IMMP2L: variants seen among roughly 807,000 people sequenced by gnomAD.
IMMP2L encodes the protein inner mitochondrial membrane peptidase subunit 2.
IMMP2L carries 18 observed loss-of-function variants against 19.3 expected under a neutral mutation model. That is an observed-to-expected ratio of 0.93 (90% CI 0.64 to 1.38). The LOEUF is 1.38. Ranked by LOEUF, IMMP2L falls within the 40% of genes most tolerant of loss-of-function variation. The pLI, the probability that IMMP2L is intolerant of heterozygous loss-of-function variation, is 0.00. For missense variants in IMMP2L, 233 were observed against 218.2 expected (o/e 1.07, Z -0.43); for synonymous variants, 76 against 73.0 (o/e 1.04, Z -0.21).
chr7:110,951,353 T>A lies in IMMP2L; in HGVS notation c.305+12147A>T, dbSNP rs137976910. On this transcript the variant is annotated intron_variant, in intron 4 of 5. Transcript: ENST00000405709. ...CTTCCAACTTTACAATTTACAAAAT[T>A]TAGAGCTATTCATTAACCTGGGAGA... 4.3e-3 allele frequency among the ~76,000 whole-genome samples: 647 copies of A among 152,202 alleles called. 4 individuals are homozygous for A. Among genetic ancestry groups the A allele is most frequent in the African/African-American group, 0.015 (624 of 41,536 alleles).
intron 5 of IMMP2L, among the ~76,000 whole-genome samples, chr7:110,743,933 G>C (rs1258198311): frequency 6.6e-6 from 1 of 152,162 alleles, no homozygotes; most frequent in Non-Finnish European, 1.5e-5. Context: ...CCTGCAAAGG[G>C]GGCTGAAGCC....
Position 110,728,241 on chromosome 7 carries a change from G to GATT in IMMP2L, c.409-64521_409-64520insAAT, listed in dbSNP as rs575102030. 1.1e-4 allele frequency among the ~76,000 whole-genome samples: 17 copies of GATT among 152,258 alleles called. No homozygotes were observed. The South Asian group carries it at 3.3e-3, about 30-fold the overall frequency. ...CGACTGGGAGTGGTGGTTCACGCCTGTAATCCCAGCAGGTTGGGAAGCCAA... is the reference window on the plus strand; with the variant it reads ...CGACTGGGAGTGGTGGTTCACGCCTGATTTAATCCCAGCAGGTTGGGAAGCCAA... On this transcript the variant is annotated intron_variant, in intron 5 of 5. Coordinates refer to ENST00000405709, the MANE Select transcript of IMMP2L (RefSeq NM_032549.4). This position sits in a 1 kb window ranked among gnomAD's most constrained non-coding sequence, Gnocchi z 4.6.
At chr7:111,170,749 T>C (rs1401684830) in intron 3 of IMMP2L, among the ~76,000 whole-genome samples, 5 of 151,822 alleles carry the variant, frequency 3.3e-5, no homozygotes, top group Non-Finnish European at 5.9e-5. Context: ...AGATTCTTTT[T>C]TAAATTTTTT....
chr7:111,387,708 T>G (rs1262686903), intron 3 of IMMP2L, among the ~76,000 whole-genome samples: 1 of 152,046 alleles, frequency 6.6e-6, no homozygotes, highest in African/African-American at 2.4e-5. Context: ...CCAGGCGCAG[T>G]GGCTCACACC....
intron 2 of IMMP2L, among the ~76,000 whole-genome samples, chr7:111,510,021 G>A (rs1414849406): frequency 2.6e-5 from 4 of 152,070 alleles, no homozygotes; most frequent in Non-Finnish European, 5.9e-5. Context: ...TTAATAATTA[G>A]AGGGCAGTAC....
intron 1 of IMMP2L, among the ~76,000 whole-genome samples, chr7:111,551,643 G>T (rs1210984474): frequency 6.6e-6 from 1 of 151,762 alleles, no homozygotes; most frequent in East Asian, 1.9e-4. Context: ...GCAAATCAGG[G>T]ACCTATAAGA....
chr7:110,713,335 AG>A (rs1303238974), intron 5 of IMMP2L, among the ~76,000 whole-genome samples: 2 of 152,172 alleles, frequency 1.3e-5, no homozygotes, highest in South Asian at 2.1e-4. Context: ...GTTTGAAGTC[AG>A]GTAATGTGAT....
intron 3 of IMMP2L, among the ~76,000 whole-genome samples, chr7:111,087,231 C>T (rs1586174395): frequency 6.6e-6 from 1 of 151,998 alleles, no homozygotes. Context: ...GGGCTGATCA[C>T]GAGGTCAGGA....
intron 2 of IMMP2L, among the ~76,000 whole-genome samples, chr7:111,497,323 T>G (rs1039294697): frequency 3.9e-5 from 6 of 152,168 alleles, no homozygotes; most frequent in Non-Finnish European, 7.4e-5. Flanking sequence ...CAAAGGAACA[T>G]ATACAAAGAT....
chr7:110,736,589 G>A (rs1272466982), intron 5 of IMMP2L, among the ~76,000 whole-genome samples: 1 of 152,112 alleles, frequency 6.6e-6, no homozygotes, highest in Non-Finnish European at 1.5e-5. Flanking sequence ...AGTATATCCA[G>A]AAAGCAGACA....
At chr7:111,013,028 T>C (rs2129563990) in intron 3 of IMMP2L, among the ~76,000 whole-genome samples, 1 of 152,230 alleles carries the variant, frequency 6.6e-6, no homozygotes, top group African/African-American at 2.4e-5. Flanking sequence ...ACTATAGCAG[T>C]GAGCTAGATT....
chr7:110,789,333 G>T (rs1253168079), intron 5 of IMMP2L, among the ~76,000 whole-genome samples: 2 of 151,684 alleles, frequency 1.3e-5, no homozygotes, highest in East Asian at 3.9e-4. Flanking sequence ...GATGGTAAAT[G>T]GAACAGATTT....
In IMMP2L at chr7:110,663,713, T is replaced by C; in HGVS notation, c.417A>G (p.Leu139=). The C allele has an allele frequency of 6.3e-7, 1 of 1,577,860 alleles. No homozygotes were observed. The highest frequency in any genetic ancestry group is 8.6e-7 in the Non-Finnish European group (1 of 1,165,366). The change falls in exon 6 of 6, where the codon CTA becomes CTG. Residue 139 remains leucine, a synonymous_variant. Transcript: ENST00000405709. ...FDSNSFGPVS[L]GLLHAHATHI... is the part of the protein sequence containing the mutation. ...GTGTGGCATGGGCATGCAGAAGTCC[T>C]AGGGAAACCTTAATTCATGAGAAAC...
chr7:111,347,146 G>A (rs1827652014), intron 3 of IMMP2L, among the ~76,000 whole-genome samples: 1 of 152,096 alleles, frequency 6.6e-6, no homozygotes, highest in African/African-American at 2.4e-5. Context: ...AGAAAGGCTG[G>A]CTTGAGGAAG....
chr7:110,746,816 G>A (rs557573782), intron 5 of IMMP2L, among the ~76,000 whole-genome samples: 5 of 152,178 alleles, frequency 3.3e-5, no homozygotes, highest in Middle Eastern at 3.4e-3. Flanking sequence ...ATCTAAAATC[G>A]ACATCCTGAC....
intron 5 of IMMP2L, among the ~76,000 whole-genome samples, chr7:110,738,902 C>T (rs1796815040): frequency 6.6e-6 from 1 of 152,172 alleles, no homozygotes; most frequent in Admixed American, 6.5e-5. Context: ...GGATTGAGGT[C>T]CTATTTTAAG....
chr7:110,943,628 A>C (rs907911295), intron 4 of IMMP2L, among the ~76,000 whole-genome samples: 3 of 152,008 alleles, frequency 2.0e-5, no homozygotes, highest in Non-Finnish European at 4.4e-5. Flanking sequence ...CAGGAAAAAA[A>C]ATATGGAGCA....
At chr7:110,702,299 G>T (rs990229690) in intron 5 of IMMP2L, among the ~76,000 whole-genome samples, 2 of 151,976 alleles carry the variant, frequency 1.3e-5, no homozygotes, top group African/African-American at 2.4e-5. Flanking sequence ...TACAAATTTG[G>T]ATTTTATTTT....
intron 5 of IMMP2L, among the ~76,000 whole-genome samples, chr7:110,687,108 A>C (rs1458187802): frequency 6.6e-6 from 1 of 152,014 alleles, no homozygotes; most frequent in African/African-American, 2.4e-5. Context: ...CTAAAATACA[A>C]ACAAACTGAA....
Sources: gnomAD v4.1 joint callset for allele counts (sites outside exome capture counted in the v4.1 genomes callset) on GRCh38, gnomAD v4.1.1 for gene constraint, Gnocchi (gnomAD v3.1) non-coding constraint, MANE v1.5 for transcripts, NCBI Gene and HGNC (gene_info 2026-07-23, HGNC 2026-07-21) for gene names.